RGS10: variants seen among roughly 807,000 people sequenced by gnomAD.
The protein encoded by RGS10 is regulator of G-protein signalling 10.
Under a neutral mutation model 23.5 loss-of-function variants are expected in RGS10, and 11 were observed. That is an observed-to-expected ratio of 0.47 (90% CI 0.29 to 0.77). RGS10 has a LOEUF of 0.77. Among genes scored for constraint, RGS10 ranks in the 30% least tolerant of loss-of-function variants. The pLI, the probability that RGS10 is intolerant of heterozygous loss-of-function variation, is 0.08. For synonymous variants in RGS10, 77 were observed against 83.2 expected (o/e 0.92, Z 0.41); for missense variants, 180 against 226.3 (o/e 0.80, Z 1.31).
intron 3 of RGS10, among the ~76,000 whole-genome samples, chr10:119,520,632 A>G (rs1017201599): frequency 6.6e-6 from 1 of 152,160 alleles, no homozygotes; most frequent in African/African-American, 2.4e-5. Context: ...TTCCAAATAT[A>G]GACCCCCCGC....
chr10:119,507,384 C>T (rs142294642), intron 4 of RGS10, among the ~76,000 whole-genome samples: 28 of 152,172 alleles, frequency 1.8e-4, no homozygotes, highest in Admixed American at 4.6e-4. Context: ...TGCCACAGGC[C>T]GGACAGCCCC....
At chr10:119,507,250 C>T (rs1287422209) in intron 4 of RGS10, among the ~76,000 whole-genome samples, 1 of 152,176 alleles carries the variant, frequency 6.6e-6, no homozygotes, top group African/African-American at 2.4e-5. Context: ...GTCCCTGGCT[C>T]TGGCCACCAC....
At chr10:119,536,471 G>A in intron 1 of RGS10, 1 of 1,612,960 alleles carries the variant, frequency 6.2e-7, no homozygotes, top group Non-Finnish European at 8.5e-7. Context: ...TACGTTCCAT[G>A]CTCTGGTGTC....
intron 4 of RGS10, among the ~76,000 whole-genome samples, chr10:119,512,988 A>G (rs565657113): frequency 1.3e-5 from 2 of 152,340 alleles, no homozygotes; most frequent in Admixed American, 1.3e-4. Flanking sequence ...GGGCATGTGC[A>G]TATGTGTATT....
chr10:119,527,467 T>G lies in RGS10; in HGVS notation c.50-43A>C. The G allele has an allele frequency of 6.8e-7, 1 of 1,478,958 alleles. No individual in the cohort carries two copies. Among genetic ancestry groups the G allele is most frequent in the Non-Finnish European group, 9.5e-7 (1 of 1,058,038 alleles). The allele number at this position is 1,478,958 out of a possible 1,614,324, so 91.6% of individuals were successfully genotyped here. On this transcript the variant is annotated intron_variant, in intron 1 of 4. Coordinates refer to ENST00000369103, the MANE Select transcript of RGS10 (RefSeq NM_001005339.2). The surrounding 1 kb of genome is among the most constrained non-coding windows in gnomAD (Gnocchi z 4.2). ...GACTGCATATGTGGCCAACAGACAC[T>G]GTCATTTTAAGAAATCTGCATGCAA...
intron 4 of RGS10, among the ~76,000 whole-genome samples, chr10:119,506,059 A>T (rs1844009292): frequency 6.6e-6 from 1 of 152,198 alleles, no homozygotes; most frequent in Non-Finnish European, 1.5e-5. Flanking sequence ...CTCTCTTCAC[A>T]CACATGGACT....
intron 4 of RGS10, among the ~76,000 whole-genome samples, chr10:119,504,871 A>G (rs1282786813): frequency 6.6e-6 from 1 of 152,148 alleles, no homozygotes; most frequent in Non-Finnish European, 1.5e-5. Flanking sequence ...TCTTGTGGAG[A>G]ACAGGGCCCT....
intron 3 of RGS10, among the ~76,000 whole-genome samples, chr10:119,525,290 G>A (rs1332742484): frequency 6.6e-6 from 1 of 152,144 alleles, no homozygotes. Context: ...ACAGCCACAG[G>A]CCCTGAACCA....
intron 1 of RGS10, chr10:119,536,376 C>T: frequency 1.6e-6 from 2 of 1,247,784 alleles, no homozygotes; most frequent in Non-Finnish European, 2.3e-6. Flanking sequence ...TGTGTCCTCA[C>T]AGCACACTCT....
intron 2 of RGS10, among the ~76,000 whole-genome samples, chr10:119,526,683 G>T (rs1844276428): frequency 6.6e-6 from 1 of 152,162 alleles, no homozygotes; most frequent in South Asian, 2.1e-4. Flanking sequence ...AGTACCACCT[G>T]CCACTCCCTC....
chr10:119,520,212 A>T (rs1421655486), intron 3 of RGS10, among the ~76,000 whole-genome samples: 1 of 152,248 alleles, frequency 6.6e-6, no homozygotes, highest in Non-Finnish European at 1.5e-5. Context: ...GAGGCAAAGA[A>T]AATATCCAAT....
At chr10:119,502,351 T>C (rs1428948028) in intron 4 of RGS10, among the ~76,000 whole-genome samples, 1 of 152,024 alleles carries the variant, frequency 6.6e-6, no homozygotes, top group Non-Finnish European at 1.5e-5. Flanking sequence ...AACGCTCAAA[T>C]GTGACTAATG....
At chr10:119,501,687 C>A (rs1843954891) in intron 4 of RGS10, among the ~76,000 whole-genome samples, 1 of 151,910 alleles carries the variant, frequency 6.6e-6, no homozygotes, top group Non-Finnish European at 1.5e-5. Flanking sequence ...CACACCACTG[C>A]ACTCCAGCCT....
intron 1 of RGS10, chr10:119,536,437 T>C (rs764600931): frequency 1.9e-6 from 3 of 1,610,650 alleles, no homozygotes; most frequent in Non-Finnish European, 1.7e-6. Flanking sequence ...ACTGCGGACA[T>C]GGAAAGGGGT....
At position 119,538,038 on chromosome 10, in the gene RGS10, A is replaced by C. The variant is rs1844405464; in HGVS notation, c.49+4552T>G. 6.6e-6 allele frequency among the ~76,000 whole-genome samples: 1 copy of C among 152,126 alleles called. No individual in the cohort carries two copies. The highest frequency in any genetic ancestry group is 2.4e-5 in the African/African-American group (1 of 41,404). On this transcript the variant is annotated intron_variant, in intron 1 of 4. Coordinates refer to ENST00000369103, the MANE Select transcript of RGS10 (RefSeq NM_001005339.2). This position sits in a 1 kb window ranked among gnomAD's most constrained non-coding sequence, Gnocchi z 4.5. ...TATCTTTCCTACTATTGGGGGTGTT[A>C]AAATGTCCTTTTCTGTGTGAAATGA...
intron 4 of RGS10, among the ~76,000 whole-genome samples, chr10:119,501,511 T>C (rs189917901): frequency 0.013 from 1,930 of 152,144 alleles, 47 homozygotes; most frequent in African/African-American, 0.044. Flanking sequence ...TCACTTGAGG[T>C]CAGGAGTTCA....
rs1465725248 is a variant in RGS10 at position 119,527,659 on chromosome 10, T to G, written c.50-235A>C. 6.6e-6 allele frequency among the ~76,000 whole-genome samples: 1 copy of G among 152,206 alleles called. No individual in the cohort carries two copies. The highest frequency in any genetic ancestry group is 2.4e-5 in the African/African-American group (1 of 41,462). Reference sequence around the variant, plus strand: ...GGGGGTAAACTGAGGCTCGGAGGGATGAAGGGACCTGCTGTTTCCCACCAA... The same window carrying G: ...GGGGGTAAACTGAGGCTCGGAGGGAGGAAGGGACCTGCTGTTTCCCACCAA... On this transcript the variant is annotated intron_variant, in intron 1 of 4. Transcript: ENST00000369103. This position sits in a 1 kb window ranked among gnomAD's most constrained non-coding sequence, Gnocchi z 4.2.
chr10:119,536,058 T>G (rs1235717394), intron 1 of RGS10, among the ~76,000 whole-genome samples: 1 of 152,180 alleles, frequency 6.6e-6, no homozygotes, highest in Non-Finnish European at 1.5e-5. Flanking sequence ...GGAAACATGG[T>G]ATCTAAATAT....
At chr10:119,518,757 T>C (rs1450849700) in intron 3 of RGS10, among the ~76,000 whole-genome samples, 1 of 150,908 alleles carries the variant, frequency 6.6e-6, no homozygotes, top group African/African-American at 2.4e-5. Flanking sequence ...CAGGCTGGAG[T>C]GCAGTGGCGC....
Sources: gnomAD v4.1 joint callset for allele counts (sites outside exome capture counted in the v4.1 genomes callset) on GRCh38, gnomAD v4.1.1 for gene constraint, Gnocchi (gnomAD v3.1) non-coding constraint, MANE v1.5 for transcripts, NCBI Gene and HGNC (gene_info 2026-07-23, HGNC 2026-07-21) for gene names.